Variants in USO1 observed in about 807,000 individuals in gnomAD.
The protein encoded by USO1 is general vesicular transport factor p115.
In USO1, 57 loss-of-function variants were observed where a neutral mutation model predicts 124.5. The observed-to-expected ratio is 0.46, with a 90% CI of 0.37 to 0.57. The LOEUF is 0.57. USO1 is among the 20% of genes least tolerant of loss of function. The probability of loss-of-function intolerance (pLI) is 0.00; values close to 1 mark genes in which losing one functional copy is unlikely to be tolerated. For synonymous variants in USO1, 369 were observed against 362.8 expected, an observed-to-expected ratio of 1.02 and a Z score of -0.19; for missense variants, 900 against 1,040.6, an observed-to-expected ratio of 0.86 and a Z score of 1.86.
intron 12 of USO1, 67 bp downstream of exon 12, chr4:75,790,864 T>A: frequency 7.0e-7 from 1 of 1,434,840 alleles, no homozygotes; most frequent in Non-Finnish European, 9.1e-7. Flanking sequence ...TTTAATTGAT[T>A]CTTTCTTTTT....
At chr4:75,800,910 T>A (rs1722830827) in intron 16 of USO1, 111 bp downstream of exon 16, 1 of 1,452,182 alleles carries the variant, frequency 6.9e-7, no homozygotes, top group South Asian at 1.5e-5. Context: ...GTATATTTTC[T>A]TCCTAGCTCT....
Position 75,742,999 on chromosome 4 carries a change from T to A in USO1, c.67-9374T>A, listed in dbSNP as rs183985489. ...AATAAGCATATCTTTTTTTTTTTTT[T>A]TTTGAGACAGAGTCTCGCTCAGTTG... On this transcript the variant is annotated intron_variant, in intron 1 of 23. Transcript: ENST00000514213. Among the ~76,000 whole-genome samples, 612 of 151,934 alleles carry A rather than the reference T, an allele frequency of 4.0e-3. 2 individuals are homozygous for A. Among genetic ancestry groups the A allele is most frequent in the African/African-American group, 0.014 (567 of 41,436 alleles).
Position 75,724,614 on chromosome 4 carries a change from C to T in USO1, c.-206C>T. On this transcript the variant is annotated 5_prime_UTR_variant, in exon 1 of 24. Coordinates refer to ENST00000514213, the MANE Select transcript of USO1 (RefSeq NM_003715.4). ...CAACCTTCGAGCCGCCACGTAATGC[C>T]ACGTCCCCGCGCATGCGCATCTTGG... is the stretch of plus-strand genomic sequence containing the variant. 5.2e-6 allele frequency: 3 copies of T among 577,624 alleles called. No homozygotes were observed. The highest frequency in any genetic ancestry group is 9.3e-6 in the Non-Finnish European group (3 of 324,144). The allele number at this position is 577,624 out of a possible 1,614,324, so 35.8% of individuals were successfully genotyped here.
intron 13 of USO1, among the ~76,000 whole-genome samples, chr4:75,794,102 T>A (rs1722608249): frequency 6.6e-6 from 1 of 152,196 alleles, no homozygotes; most frequent in South Asian, 2.1e-4. Context: ...AGTTATAAGG[T>A]CTGCATCATG....
rs1329800386 is a variant in USO1, at chr4:75,752,558, G to C, written c.172G>C (p.Gly58Arg). The C allele has an allele frequency of 2.5e-6, 1 of 398,344 alleles. No individual in the cohort carries two copies. Among genetic ancestry groups the C allele is most frequent in the African/African-American group, 2.1e-5 (1 of 48,662 alleles). The allele number at this position is 398,344 out of a possible 1,614,324, so 24.7% of individuals were successfully genotyped here. A position where few individuals can be genotyped will look rare whatever the true frequency, so the allele number is the denominator to read the frequency against. The change falls in exon 3 of 24, where the codon GGT (glycine) becomes CGT (arginine). Residue 58 changes from glycine to arginine, a missense_variant. Physicochemically the swap from Gly to Arg is moderately radical, Grantham distance 125. Around this residue, in one of 2 missense-constraint regions of USO1, gnomAD observed 538 missense variants for 681.6 expected, o/e 0.79. Transcript: ENST00000514213. ...TGTGCAGAAATACCGCTTGGAAGTG[G>C]GTATACAAGCTATGGAACATCTTAT... ...SLSKKYRLEV[G>R]IQAMEHLIHV...
At chr4:75,788,762 A>G (rs1017532902) in intron 10 of USO1, among the ~76,000 whole-genome samples, 11 of 151,414 alleles carry the variant, frequency 7.3e-5, no homozygotes, top group African/African-American at 2.7e-4. Flanking sequence ...CAGGCTCTTG[A>G]CCTCAAGTGA....
intron 22 of USO1, among the ~76,000 whole-genome samples, chr4:75,811,542 C>T (rs1453877064): frequency 6.6e-6 from 1 of 152,198 alleles, no homozygotes; most frequent in South Asian, 2.1e-4. Flanking sequence ...CACATGTAGG[C>T]TTTCCATAAG....
At chr4:75,760,623 C>T in intron 4 of USO1, 1 of 397,662 alleles carries the variant, frequency 2.5e-6, no homozygotes, top group East Asian at 3.6e-5. Flanking sequence ...ATTGCATTTA[C>T]ATCTGCATGA....
At chr4:75,735,521 A>G (rs1358675960) in intron 1 of USO1, among the ~76,000 whole-genome samples, 1 of 151,432 alleles carries the variant, frequency 6.6e-6, no homozygotes, top group African/African-American at 2.4e-5. Context: ...TAATCTTTTG[A>G]TAGTTTTTCT....
chr4:75,804,085 T>C, intron 17 of USO1, 49 bp from the exon 18 acceptor site: 1 of 1,586,770 alleles, frequency 6.3e-7, no homozygotes, highest in East Asian at 2.3e-5. Flanking sequence ...ACCTTCTTAA[T>C]GCTAACGAGT....
At chr4:75,729,433 G>C (rs1023525622) in intron 1 of USO1, among the ~76,000 whole-genome samples, 2 of 152,064 alleles carry the variant, frequency 1.3e-5, no homozygotes, top group Non-Finnish European at 2.9e-5. Flanking sequence ...TCCGCCTCCT[G>C]GGTTCAAGCA....
At chr4:75,761,754 C>CTT (rs1721614687) in intron 4 of USO1, among the ~76,000 whole-genome samples, 2 of 152,060 alleles carry the variant, frequency 1.3e-5, no homozygotes, top group Non-Finnish European at 2.9e-5. Flanking sequence ...AGGTGCTTAA[C>CTT]TTTTTTAAAT....
At chr4:75,808,810 C>A (rs964173019) in intron 20 of USO1, 143 bp from the exon 21 acceptor site, 3 of 910,298 alleles carry the variant, frequency 3.3e-6, no homozygotes, top group Admixed American at 7.7e-5. Context: ...CCATCTTGAA[C>A]CCAAAATTCA....
chr4:75,761,734 A>G (rs575554841), intron 4 of USO1, among the ~76,000 whole-genome samples: 2 of 152,210 alleles, frequency 1.3e-5, no homozygotes, highest in South Asian at 4.1e-4. Flanking sequence ...TTGTTTTACC[A>G]ATTTCCTTGA....
intron 1 of USO1, among the ~76,000 whole-genome samples, chr4:75,738,174 G>A (rs1720850818): frequency 1.3e-5 from 2 of 151,880 alleles, no homozygotes; most frequent in East Asian, 2.0e-4. Context: ...ATTAAGTTGG[G>A]GGCCAGGCAC....
intron 20 of USO1, among the ~76,000 whole-genome samples, chr4:75,806,798 A>G (rs1723008983): frequency 6.6e-6 from 1 of 152,148 alleles, no homozygotes; most frequent in African/African-American, 2.4e-5. Flanking sequence ...AAATCTCAGC[A>G]TCTCACCCAT....
chr4:75,736,749 C>T (rs937393959), intron 1 of USO1, among the ~76,000 whole-genome samples: 1 of 151,972 alleles, frequency 6.6e-6, no homozygotes, highest in African/African-American at 2.4e-5. Context: ...TAATAGAATC[C>T]ATGTCTTATT....
At chr4:75,771,180 T>A in intron 7 of USO1, 43 bp downstream of exon 7, 4 of 1,555,214 alleles carry the variant, frequency 2.6e-6, no homozygotes, top group Non-Finnish European at 3.5e-6. Context: ...ATGTGGCTTT[T>A]TTTTCTCTTG....
intron 1 of USO1, among the ~76,000 whole-genome samples, chr4:75,750,351 T>C (rs1721268085): frequency 6.6e-6 from 1 of 151,986 alleles, no homozygotes; most frequent in African/African-American, 2.4e-5. Context: ...GGTGGGAGGA[T>C]TGCTTGAGGA....
Sources: allele counts gnomAD v4.1 joint callset (sites outside exome capture counted in the v4.1 genomes callset), GRCh38; gene constraint gnomAD v4.1.1; regional missense constraint gnomAD v4.1.1; transcripts MANE v1.5; gene names NCBI Gene and HGNC (gene_info 2026-07-23, HGNC 2026-07-21).